SNX29: variants seen among roughly 807,000 people sequenced by gnomAD.
SNX29 encodes sorting nexin-29.
A neutral mutation model predicts 102.1 loss-of-function variants in SNX29; 78 were observed. The observed-to-expected ratio is 0.76, with a 90% CI of 0.64 to 0.92. The LOEUF (loss-of-function observed/expected upper bound fraction) is 0.92. Among genes scored for constraint, SNX29 ranks in the 40% least tolerant of loss-of-function variants. SNX29 has a pLI of 0.00. For synonymous variants in SNX29, 580 were observed against 414.5 expected (o/e 1.40, Z -4.85); for missense variants, 1,280 against 1,061.7 (o/e 1.21, Z -2.86).
In SNX29 at chr16:12,184,012, G is replaced by A. The variant is rs188021891; in HGVS notation, c.1596-15589G>A. Among the ~76,000 whole-genome samples, 6 of 152,278 alleles carry A rather than the reference G, an allele frequency of 3.9e-5. No homozygotes were observed. In the East Asian group the frequency reaches 9.6e-4, roughly 24 times the overall value. On this transcript the variant is annotated intron_variant, in intron 13 of 20. Coordinates refer to ENST00000566228, the MANE Select transcript of SNX29 (RefSeq NM_032167.5). Reference sequence around the variant, plus strand: ...AAAATAACCATGACAATGGGCCACCGGCATCCCTCGGGGCTGCTCTGTTGA... The same window carrying A: ...AAAATAACCATGACAATGGGCCACCAGCATCCCTCGGGGCTGCTCTGTTGA...
intron 11 of SNX29, among the ~76,000 whole-genome samples, chr16:12,100,556 T>C (rs1328052610): frequency 6.6e-6 from 1 of 152,080 alleles, no homozygotes; most frequent in Non-Finnish European, 1.5e-5. Context: ...GATCGGGCTG[T>C]CTGCAGAGGC....
intron 11 of SNX29, 22 bp from the exon 12 acceptor site, chr16:12,126,611 T>C: frequency 6.2e-7 from 1 of 1,613,478 alleles, no homozygotes; most frequent in Non-Finnish European, 8.5e-7. Flanking sequence ...CAATTAATCT[T>C]GACTTTGTTT....
At chr16:12,316,402 G>A (rs1204693216) in intron 15 of SNX29, among the ~76,000 whole-genome samples, 1 of 152,146 alleles carries the variant, frequency 6.6e-6, no homozygotes, top group Non-Finnish European at 1.5e-5. Flanking sequence ...AATTAGCTGG[G>A]CGTGGTGGCA....
intron 13 of SNX29, among the ~76,000 whole-genome samples, chr16:12,190,343 C>T (rs1407410156): frequency 6.6e-6 from 1 of 151,954 alleles, no homozygotes; most frequent in African/African-American, 2.4e-5. Context: ...AAAAATAAGA[C>T]ATGGCCACTG....
chr16:11,987,664 G>C (rs938355126), intron 1 of SNX29, among the ~76,000 whole-genome samples: 1 of 152,136 alleles, frequency 6.6e-6, no homozygotes, highest in African/African-American at 2.4e-5. Context: ...CAAAGTGCTG[G>C]GATTACAGGC....
At position 12,406,562 on chromosome 16, in the gene SNX29, G is replaced by A. The variant is rs903981234; in HGVS notation, c.2037+3033G>A. On this transcript the variant is annotated intron_variant, in intron 18 of 20. Transcript: ENST00000566228. The stretch of plus-strand genomic sequence containing the variant: ...TGCTCCCTGGTACTGGAGCTGCGCT[G>A]TCTGTACCAGAGCTCCTAGCCATGT... Among the ~76,000 whole-genome samples the A allele has an allele frequency of 5.9e-5, 9 of 152,334 alleles. No individual in the cohort carries two copies. The East Asian group carries it at 1.7e-3, about 29-fold the overall frequency.
intron 20 of SNX29, among the ~76,000 whole-genome samples, chr16:12,529,059 C>T (rs1351933453): frequency 1.3e-5 from 2 of 152,248 alleles, no homozygotes; most frequent in African/African-American, 4.8e-5. Flanking sequence ...TCTAAGTAAT[C>T]TGCCATCTGC....
At chr16:12,166,332 C>A (rs148160361) in intron 13 of SNX29, among the ~76,000 whole-genome samples, 3 of 152,196 alleles carry the variant, frequency 2.0e-5, no homozygotes, top group Non-Finnish European at 4.4e-5. Context: ...GAGCAGTGAG[C>A]GCTGGAAGCA....
chr16:12,272,984 C>A (rs2079136588), intron 14 of SNX29, among the ~76,000 whole-genome samples: 1 of 152,216 alleles, frequency 6.6e-6, no homozygotes, highest in South Asian at 2.1e-4. Context: ...TTGGTTAGAT[C>A]AGTATTCAGT....
chr16:12,002,446 C>CAA (rs547796469), intron 2 of SNX29, among the ~76,000 whole-genome samples: 17 of 88,452 alleles, frequency 1.9e-4, no homozygotes, highest in African/African-American at 4.3e-4. Context: ...AACTCCATCT[C>CAA]AAAAAAAAAA....
intron 19 of SNX29, among the ~76,000 whole-genome samples, chr16:12,480,543 A>C (rs960157818): frequency 6.6e-6 from 1 of 152,090 alleles, no homozygotes; most frequent in Admixed American, 6.5e-5. Context: ...ACATCTGCTG[A>C]GTCCCTTTGG....
intron 18 of SNX29, among the ~76,000 whole-genome samples, chr16:12,407,252 CT>C (rs2084203073): frequency 1.3e-5 from 2 of 152,158 alleles, no homozygotes; most frequent in African/African-American, 4.8e-5. Flanking sequence ...TCATGTCCCT[CT>C]GATCTTTCTT....
At chr16:12,545,052 C>T (rs1049025914) in intron 20 of SNX29, among the ~76,000 whole-genome samples, 3 of 152,082 alleles carry the variant, frequency 2.0e-5, no homozygotes, top group Non-Finnish European at 4.4e-5. Flanking sequence ...ATGCCCTGCT[C>T]CTGTAGCATA....
At chr16:12,146,122 C>G (rs12443524) in intron 13 of SNX29, among the ~76,000 whole-genome samples, 2 of 152,084 alleles carry the variant, frequency 1.3e-5, no homozygotes. Context: ...GTTTCCACCT[C>G]GATTTGCATT....
chr16:12,178,054 C>G (rs1205823591), intron 13 of SNX29, among the ~76,000 whole-genome samples: 2 of 152,176 alleles, frequency 1.3e-5, no homozygotes, highest in Non-Finnish European at 2.9e-5. Flanking sequence ...TCAGACATTG[C>G]TGGTAAATGC....
At chr16:12,345,912 T>A (rs2081786101) in intron 15 of SNX29, among the ~76,000 whole-genome samples, 1 of 152,168 alleles carries the variant, frequency 6.6e-6, no homozygotes, top group African/African-American at 2.4e-5. Flanking sequence ...CAAATGTGAA[T>A]GTGGACAGAA....
Position 12,046,952 on chromosome 16 carries a change from C to A in SNX29, c.499+498C>A, listed in dbSNP as rs1469652887. Among the ~76,000 whole-genome samples the A allele has an allele frequency of 5.9e-5, 9 of 152,224 alleles. No homozygotes were observed. In the South Asian group the frequency reaches 1.2e-3, roughly 21 times the overall value. On this transcript the variant is annotated intron_variant, in intron 6 of 20. Coordinates refer to ENST00000566228, the MANE Select transcript of SNX29 (RefSeq NM_032167.5). ...GGGTCCATTTATCTAGAATGGGAGA[C>A]CCTGGCAGAGAAAGTGAAGATTTGA...
chr16:12,120,121 G>T (rs953338208), intron 11 of SNX29, among the ~76,000 whole-genome samples: 1 of 152,198 alleles, frequency 6.6e-6, no homozygotes, highest in Non-Finnish European at 1.5e-5. Context: ...TTACATTTTA[G>T]AGCTCGATAT....
intron 10 of SNX29, among the ~76,000 whole-genome samples, chr16:12,070,432 G>GTT (rs558301457): frequency 6.7e-6 from 1 of 149,390 alleles, no homozygotes; most frequent in African/African-American, 2.5e-5. Context: ...GTGGTGTTTG[G>GTT]TTTTTTGTCC....
Sources: allele counts gnomAD v4.1 joint callset (sites outside exome capture counted in the v4.1 genomes callset), GRCh38; gene constraint gnomAD v4.1.1; transcripts MANE v1.5; gene names NCBI Gene and HGNC (gene_info 2026-07-23, HGNC 2026-07-21).